Variants in TBC1D19 observed in about 807,000 individuals in gnomAD.
The protein encoded by TBC1D19 is TBC1 domain family, member 19.
A neutral mutation model predicts 89.0 loss-of-function variants in TBC1D19; 60 were observed. The ratio of observed to expected loss-of-function variants is 0.67; its 90% CI spans 0.55 to 0.84. TBC1D19 has a LOEUF of 0.84. Ranked by LOEUF, TBC1D19 falls within the 40% of genes least tolerant of loss-of-function variation. TBC1D19 has a pLI of 0.00. For missense variants in TBC1D19, 500 were observed against 610.8 expected, an observed-to-expected ratio of 0.82 and a Z score of 1.91; for synonymous variants, 189 against 199.7, an observed-to-expected ratio of 0.95 and a Z score of 0.45.
At chr4:26,582,815 T>C (rs1739139641), upstream of TBC1D19, among the ~76,000 whole-genome samples, 1 of 152,218 alleles carries the variant, frequency 6.6e-6, no homozygotes, top group East Asian at 1.9e-4. Flanking sequence ...TTTGTACTTA[T>C]CATCCCAGTA....
chr4:26,633,490 AG>A (rs1312987569), intron 4 of TBC1D19, among the ~76,000 whole-genome samples: 1 of 152,128 alleles, frequency 6.6e-6, no homozygotes, highest in Non-Finnish European at 1.5e-5. Context: ...ATCCAGAAAA[AG>A]GGTTCTTGTT....
chr4:26,683,127 T>C (rs1035995630), intron 11 of TBC1D19, among the ~76,000 whole-genome samples: 3 of 152,168 alleles, frequency 2.0e-5, no homozygotes, highest in Non-Finnish European at 4.4e-5. Context: ...TTCTTTGTTA[T>C]GCTTAAACTT....
chr4:26,664,187 T>A (rs74530395), intron 8 of TBC1D19, among the ~76,000 whole-genome samples: 1 of 152,024 alleles, frequency 6.6e-6, no homozygotes, highest in Admixed American at 6.6e-5. Flanking sequence ...TGGGTAGAGG[T>A]TGATAAAGGA....
intron 18 of TBC1D19, among the ~76,000 whole-genome samples, chr4:26,747,099 T>G (rs1253631983): frequency 6.6e-6 from 1 of 152,198 alleles, no homozygotes; most frequent in Admixed American, 6.5e-5. Context: ...TGACCACAGT[T>G]GGCTATGGGT....
intron 15 of TBC1D19, among the ~76,000 whole-genome samples, chr4:26,734,157 T>C (rs1282876329): frequency 6.6e-6 from 1 of 152,218 alleles, no homozygotes; most frequent in Non-Finnish European, 1.5e-5. Context: ...AGCCAGAGTT[T>C]GGCTCACTAT....
chr4:26,723,268 T>C (rs74631574), intron 15 of TBC1D19, among the ~76,000 whole-genome samples: 101 of 147,180 alleles, frequency 6.9e-4, no homozygotes, highest in Non-Finnish European at 1.3e-3. Context: ...TCTCCCCCGC[T>C]TTTTTTTTTA....
chr4:26,579,582 TG>T (rs1394044229), upstream of TBC1D19, among the ~76,000 whole-genome samples: 1 of 152,050 alleles, frequency 6.6e-6, no homozygotes, highest in Non-Finnish European at 1.5e-5. Flanking sequence ...CATTGTGGTT[TG>T]CTGCACCTAT....
intron 7 of TBC1D19, among the ~76,000 whole-genome samples, chr4:26,652,761 CTTCT>C (rs1246254636): frequency 1.3e-5 from 2 of 152,026 alleles, no homozygotes; most frequent in African/African-American, 2.4e-5. Flanking sequence ...TCTCTCTTTT[CTTCT>C]TTATTAGTCT....
chr4:26,754,047 T>C (rs1414334696), intron 20 of TBC1D19, 157 bp downstream of exon 20: 3 of 616,320 alleles, frequency 4.9e-6, no homozygotes, highest in South Asian at 2.4e-5. Flanking sequence ...TACTTAAGGA[T>C]TCAAATTTCT....
chr4:26,688,394 ATTAT>A lies in TBC1D19; in HGVS notation c.946_949del (p.Leu316IlefsTer14). ...GATGATTATTATTTTGTATTTGAAGATTATTTATATCAGGTAAGTTTAAAAATAA... is the reference window on the plus strand; with the variant it reads ...GATGATTATTATTTTGTATTTGAAGATTATATCAGGTAAGTTTAAAAATAA... On this transcript the variant is annotated frameshift_variant, in exon 13 of 21. Coordinates refer to ENST00000264866, the MANE Select transcript of TBC1D19 (RefSeq NM_018317.4). LOFTEE classifies it high-confidence loss of function. 5 of 1,564,714 alleles carry A rather than the reference ATTAT, an allele frequency of 3.2e-6. No individual in the cohort carries two copies. The highest frequency in any genetic ancestry group is 1.4e-5 in the African/African-American group (1 of 73,828).
the TBC1D19 span, among the ~76,000 whole-genome samples, chr4:26,817,390 G>A: frequency 3.3e-5 from 5 of 152,142 alleles, no homozygotes; most frequent in East Asian, 9.7e-4. Context: ...CCCACTAATA[G>A]GCATTAGTGT....
At chr4:26,720,680 G>A (rs748664652) in intron 15 of TBC1D19, among the ~76,000 whole-genome samples, 56 of 152,006 alleles carry the variant, frequency 3.7e-4, no homozygotes, top group Non-Finnish European at 6.3e-4. Context: ...ATATATAGCA[G>A]TCCTTATGAT....
chr4:26,709,783 T>A (rs1317662583), intron 13 of TBC1D19, among the ~76,000 whole-genome samples: 1 of 151,970 alleles, frequency 6.6e-6, no homozygotes, highest in East Asian at 1.9e-4. Flanking sequence ...CAGTGCAATT[T>A]TTGTCTAGGT....
At chr4:26,689,197 T>A (rs1714070832) in intron 13 of TBC1D19, among the ~76,000 whole-genome samples, 1 of 152,090 alleles carries the variant, frequency 6.6e-6, no homozygotes, top group Non-Finnish European at 1.5e-5. Flanking sequence ...AAAGACTTTA[T>A]AAGACTTATT....
At chr4:26,688,513 G>T in intron 13 of TBC1D19, 106 bp downstream of exon 13, 3 of 1,276,802 alleles carry the variant, frequency 2.3e-6, no homozygotes, top group Non-Finnish European at 3.0e-6. Flanking sequence ...GTAATCCATG[G>T]CATGCTTGTC....
At chr4:26,710,862 G>T (rs372883117) in intron 13 of TBC1D19, among the ~76,000 whole-genome samples, 7 of 151,866 alleles carry the variant, frequency 4.6e-5, no homozygotes, top group African/African-American at 1.5e-4. Context: ...CTTCGCCCAC[G>T]TTTTGATGGG....
intron 13 of TBC1D19, among the ~76,000 whole-genome samples, chr4:26,702,047 T>C (rs1186449086): frequency 6.6e-6 from 1 of 152,110 alleles, no homozygotes; most frequent in African/African-American, 2.4e-5. Context: ...GCCTCTTTGG[T>C]GGTGGTAAAA....
At chr4:26,832,805 C>A in the TBC1D19 span, among the ~76,000 whole-genome samples, 3 of 152,184 alleles carry the variant, frequency 2.0e-5, no homozygotes, top group East Asian at 5.8e-4. Flanking sequence ...ACCAGCCTGG[C>A]AAACATGGCA....
At chr4:26,610,602 C>T (rs1380583214) in intron 1 of TBC1D19, among the ~76,000 whole-genome samples, 1 of 151,954 alleles carries the variant, frequency 6.6e-6, no homozygotes, top group African/African-American at 2.4e-5. Context: ...ATCCTCCTCC[C>T]ACCCTCTACC....
Sources: gnomAD v4.1 joint callset for allele counts (sites outside exome capture counted in the v4.1 genomes callset) on GRCh38, gnomAD v4.1.1 for gene constraint, MANE v1.5 for transcripts, NCBI Gene and HGNC (gene_info 2026-07-23, HGNC 2026-07-21) for gene names.